Variants in VTI1A observed in about 807,000 individuals in gnomAD.
VTI1A encodes the protein vesicle transport through interaction with t-SNAREs 1A.
VTI1A carries 22 observed loss-of-function variants against 34.9 expected under a neutral mutation model. The observed-to-expected ratio is 0.63, with a 90% CI of 0.45 to 0.90. VTI1A has a LOEUF of 0.90. Among genes scored for constraint, VTI1A ranks in the 40% least tolerant of loss-of-function variants. The pLI is 0.00. For missense variants in VTI1A, 268 were observed against 275.6 expected (o/e 0.97, Z 0.20); for synonymous variants, 87 against 97.3 (o/e 0.89, Z 0.62).
intron 5 of VTI1A, among the ~76,000 whole-genome samples, chr10:112,599,503 A>G (rs1844803218): frequency 6.6e-6 from 1 of 152,226 alleles, no homozygotes. Context: ...TGGACCGCCA[A>G]TAAGCGCTGA....
intron 7 of VTI1A, among the ~76,000 whole-genome samples, chr10:112,745,575 G>A (rs1396910148): frequency 1.3e-5 from 2 of 152,166 alleles, no homozygotes; most frequent in East Asian, 3.8e-4. Context: ...GGAAATGACT[G>A]TGGACATGTG....
At chr10:112,844,271 C>A in the VTI1A span, among the ~76,000 whole-genome samples, 1 of 152,186 alleles carries the variant, frequency 6.6e-6, no homozygotes, top group Non-Finnish European at 1.5e-5. Context: ...TTCCTCATTT[C>A]TTTTCCCATC....
intron 5 of VTI1A, among the ~76,000 whole-genome samples, chr10:112,642,942 A>G (rs946204551): frequency 1.3e-5 from 2 of 150,664 alleles, no homozygotes; most frequent in Non-Finnish European, 3.0e-5. Flanking sequence ...TTCCCTGTGC[A>G]TAATTATCTG....
At chr10:112,595,383 A>C (rs1204922976) in intron 5 of VTI1A, among the ~76,000 whole-genome samples, 1 of 150,872 alleles carries the variant, frequency 6.6e-6, no homozygotes, top group Non-Finnish European at 1.5e-5. Context: ...CAACCTACAA[A>C]ATGGGAGAAA....
intron 5 of VTI1A, among the ~76,000 whole-genome samples, chr10:112,643,092 C>G (rs1182041820): frequency 1.4e-5 from 2 of 147,114 alleles, no homozygotes; most frequent in East Asian, 4.2e-4. Context: ...TCAAGCAATT[C>G]TCATGCCTCA....
the VTI1A span, among the ~76,000 whole-genome samples, chr10:112,830,841 A>AT: frequency 2.2e-5 from 1 of 46,188 alleles, no homozygotes; most frequent in Non-Finnish European, 4.3e-5. Flanking sequence ...ATATATATAT[A>AT]TATATATATT....
At chr10:112,511,937 G>A (rs565870197) in intron 3 of VTI1A, among the ~76,000 whole-genome samples, 54 of 152,208 alleles carry the variant, frequency 3.5e-4, no homozygotes, top group Non-Finnish European at 7.4e-4. Context: ...TTCTGTATAT[G>A]TACCACATTT....
chr10:112,494,775 A>G (rs1444058846), intron 3 of VTI1A, among the ~76,000 whole-genome samples: 1 of 152,202 alleles, frequency 6.6e-6, no homozygotes, highest in Non-Finnish European at 1.5e-5. Flanking sequence ...CAGCCTCCCA[A>G]GGTGCTGGGA....
chr10:112,560,856 C>T (rs1851702231), intron 5 of VTI1A, among the ~76,000 whole-genome samples: 1 of 152,072 alleles, frequency 6.6e-6, no homozygotes, highest in African/African-American at 2.4e-5. Flanking sequence ...CTCGGCCTCC[C>T]AGAGTGCTGG....
intron 3 of VTI1A, among the ~76,000 whole-genome samples, chr10:112,476,625 C>T (rs1408455005): frequency 1.3e-5 from 2 of 152,114 alleles, no homozygotes; most frequent in African/African-American, 4.8e-5. Context: ...GGCTTACTTA[C>T]GTTCTAGAAT....
At position 112,815,315 on chromosome 10, in the gene VTI1A, G is replaced by A. The variant is rs746061602; in HGVS notation, c.586G>A (p.Val196Ile). ...RRIIQNRILL[V>I]ILGIIVVITI... The stretch of plus-strand genomic sequence containing the variant: ...AATCATCCAGAACCGCATCCTGCTC[G>A]TCATCCTAGGGATCATCGTGGTCAT... The change falls in exon 8 of 8, where the codon GTC becomes ATC. Residue 196 changes from valine (V) to isoleucine (I), a missense_variant. Val to Ile is a conservative substitution (Grantham distance 29). Coordinates refer to ENST00000393077, the MANE Select transcript of VTI1A (RefSeq NM_145206.4). The A allele has an allele frequency of 2.3e-5, 37 of 1,613,616 alleles. No individual in the cohort carries two copies. The highest frequency in any genetic ancestry group is 1.8e-4 in the South Asian group (16 of 91,052).
chr10:112,457,289 A>G (rs1428755515), intron 1 of VTI1A, among the ~76,000 whole-genome samples: 9 of 152,192 alleles, frequency 5.9e-5, no homozygotes, highest in African/African-American at 1.9e-4. Flanking sequence ...TTCTTTTGCA[A>G]ATTCTTGCTG....
chr10:112,612,883 C>T (rs1280015179), intron 5 of VTI1A, among the ~76,000 whole-genome samples: 1 of 152,004 alleles, frequency 6.6e-6, no homozygotes, highest in Non-Finnish European at 1.5e-5. Context: ...GATATCTACG[C>T]CTGCCTGTTT....
chr10:112,652,711 A>T (rs1352506862), intron 5 of VTI1A, among the ~76,000 whole-genome samples: 1 of 107,190 alleles, frequency 9.3e-6, no homozygotes, highest in African/African-American at 4.0e-5. Flanking sequence ...TGGGCAACAG[A>T]GTGAGACCTT....
intron 7 of VTI1A, among the ~76,000 whole-genome samples, chr10:112,782,096 A>G (rs1027418684): frequency 6.6e-6 from 1 of 152,184 alleles, no homozygotes; most frequent in Non-Finnish European, 1.5e-5. Flanking sequence ...TTAAAACTCT[A>G]TATTATGTAC....
chr10:112,672,446 T>C (rs1847884674), intron 7 of VTI1A, among the ~76,000 whole-genome samples: 1 of 152,190 alleles, frequency 6.6e-6, no homozygotes, highest in South Asian at 2.1e-4. Flanking sequence ...TCTTCGATCC[T>C]GACATGTGAT....
At chr10:112,451,616 G>A (rs1402465125) in intron 1 of VTI1A, among the ~76,000 whole-genome samples, 3 of 152,298 alleles carry the variant, frequency 2.0e-5, no homozygotes, top group East Asian at 1.9e-4. Flanking sequence ...AAGTGGTGTC[G>A]GACAAGGCAG....
intron 7 of VTI1A, among the ~76,000 whole-genome samples, chr10:112,793,194 G>T (rs1250874976): frequency 6.6e-6 from 1 of 152,196 alleles, no homozygotes; most frequent in Non-Finnish European, 1.5e-5. Flanking sequence ...ACCGGAGGAA[G>T]ATTAGCTCGA....
At chr10:112,701,794 C>T (rs1023705250) in intron 7 of VTI1A, among the ~76,000 whole-genome samples, 16 of 152,154 alleles carry the variant, frequency 1.1e-4, no homozygotes, top group African/African-American at 3.9e-4. Flanking sequence ...TTAAGAAATG[C>T]AGAGAGCCAA....
Sources: gnomAD v4.1 joint callset for allele counts (sites outside exome capture counted in the v4.1 genomes callset) on GRCh38, gnomAD v4.1.1 for gene constraint, MANE v1.5 for transcripts, NCBI Gene and HGNC (gene_info 2026-07-23, HGNC 2026-07-21) for gene names.